Variants in ACOX3 observed in about 807,000 individuals in gnomAD.
ACOX3 encodes the protein acyl-CoA oxidase 3, pristanoyl.
Under a neutral mutation model 81.5 loss-of-function variants are expected in ACOX3, and 73 were observed. The observed-to-expected ratio is 0.90, with a 90% confidence interval of 0.74 to 1.09. ACOX3 has a LOEUF of 1.09. Among genes scored for constraint, ACOX3 ranks in the 50% least tolerant of loss-of-function variants. ACOX3 has a pLI of 0.00. For synonymous variants in ACOX3, 387 were observed against 375.1 expected (o/e 1.03, Z -0.37); for missense variants, 947 against 928.0 (o/e 1.02, Z -0.27).
In ACOX3 at chr4:8,415,878, T is replaced by G. The variant is rs774060750; in HGVS notation, c.266A>C (p.Asp89Ala). ...GAACATGTCTTCGACACTGAGGAAG[T>G]CATACTCGAAGATCCGCTTGCATCG... ...FLRCKRIFEY[D>A]FLSVEDMFKS... Residue 89 changes from aspartate to alanine, a missense_variant, in exon 3 of 18, where the codon GAC becomes GCC. Asp to Ala is a moderately radical substitution (Grantham distance 126). Coordinates refer to ENST00000356406, the MANE Select transcript of ACOX3 (RefSeq NM_003501.3). 1 of 1,614,160 alleles carries G rather than the reference T, an allele frequency of 6.2e-7. No individual in the cohort carries two copies. Among genetic ancestry groups the G allele is most frequent in the Non-Finnish European group, 8.5e-7 (1 of 1,180,028 alleles).
intron 8 of ACOX3, among the ~76,000 whole-genome samples, chr4:8,397,364 A>G (rs1719836619): frequency 6.6e-6 from 1 of 152,232 alleles, no homozygotes. Flanking sequence ...GAGAAGGTAC[A>G]GTCCTAGCAG....
intron 15 of ACOX3, 138 bp from the exon 16 acceptor site, chr4:8,373,766 C>G: frequency 1.4e-6 from 1 of 740,236 alleles, no homozygotes; most frequent in Non-Finnish European, 2.3e-6. Flanking sequence ...TCATTGCTGT[C>G]CCCAGCCCAG....
At chr4:8,373,434 G>T (rs548472593) in intron 16 of ACOX3, 127 bp downstream of exon 16, 11 of 949,208 alleles carry the variant, frequency 1.2e-5, no homozygotes, top group South Asian at 1.5e-5. Flanking sequence ...GACGCTAAGG[G>T]GGTGCGTGTC....
intron 1 of ACOX3, among the ~76,000 whole-genome samples, chr4:8,426,001 A>T (rs894234070): frequency 6.6e-6 from 1 of 152,264 alleles, no homozygotes; most frequent in African/African-American, 2.4e-5. Context: ...CCCACCTCGC[A>T]TGGCCTGCTC....
At chr4:8,377,068 GCTC>G (rs1717058925) in intron 14 of ACOX3, among the ~76,000 whole-genome samples, 4 of 152,026 alleles carry the variant, frequency 2.6e-5, no homozygotes, top group Admixed American at 2.0e-4. Flanking sequence ...CCCGTAGGCT[GCTC>G]CTGTGTCCAC....
Position 8,416,326 on chromosome 4 carries a change from A to C in ACOX3, c.144+52T>G. Reference sequence around the variant, plus strand: ...GCCAGAAATCCCATTCTGCTAACGAACTAAGACCCCACTGGGAAAAAAGAC... The same window carrying C: ...GCCAGAAATCCCATTCTGCTAACGACCTAAGACCCCACTGGGAAAAAAGAC... On this transcript the variant is annotated intron_variant, in intron 2 of 17. Transcript: ENST00000356406. The surrounding 1 kb of genome is among the most constrained non-coding windows in gnomAD (Gnocchi z 4.2). 3 of 1,613,102 alleles carry C rather than the reference A, an allele frequency of 1.9e-6. No homozygotes were observed. Among genetic ancestry groups the C allele is most frequent in the South Asian group, 2.2e-5 (2 of 91,020 alleles).
At chr4:8,403,237 C>T (rs901213174) in intron 7 of ACOX3, among the ~76,000 whole-genome samples, 2 of 152,176 alleles carry the variant, frequency 1.3e-5, no homozygotes, top group African/African-American at 4.8e-5. Context: ...TAAATGATTT[C>T]AACATTGGTA....
chr4:8,379,433 G>C (rs566382171), intron 14 of ACOX3, among the ~76,000 whole-genome samples: 3 of 152,356 alleles, frequency 2.0e-5, no homozygotes, highest in African/African-American at 7.2e-5. Flanking sequence ...GCTGGTGTCT[G>C]TGGGTGTCTG....
chr4:8,391,031 G>GTATA (rs1718929632), intron 11 of ACOX3, among the ~76,000 whole-genome samples: 9 of 148,116 alleles, frequency 6.1e-5, no homozygotes, highest in African/African-American at 2.2e-4. Flanking sequence ...GTATATGTAT[G>GTATA]TGTATATGTA....
chr4:8,414,317 G>GT lies in ACOX3; in HGVS notation c.517dup (p.Thr173AsnfsTer9), dbSNP rs763912507. 1.2e-6 allele frequency: 2 copies of GT among 1,614,176 alleles called. No individual in the cohort carries two copies. Among genetic ancestry groups the GT allele is most frequent in the South Asian group, 2.2e-5 (2 of 91,084 alleles). On this transcript the variant is annotated frameshift_variant, in exon 5 of 18. Coordinates refer to ENST00000356406, the MANE Select transcript of ACOX3 (RefSeq NM_003501.3). LOFTEE classifies it high-confidence loss of function. This position sits in a 1 kb window ranked among gnomAD's most constrained non-coding sequence, Gnocchi z 6.1. Reference sequence around the variant, plus strand: ...CTCAGTGGCAGGATCGTAGTGGGCAGTTGTGCGAATGGCCTTGGTATTACT... The same window carrying GT: ...CTCAGTGGCAGGATCGTAGTGGGCAGTTTGTGCGAATGGCCTTGGTATTACT...
intron 8 of ACOX3, among the ~76,000 whole-genome samples, chr4:8,397,642 C>T (rs1041898037): frequency 2.0e-5 from 3 of 152,220 alleles, no homozygotes; most frequent in South Asian, 2.1e-4. Flanking sequence ...CACGCATCAG[C>T]GGCGTCAGCA....
Position 8,423,149 on chromosome 4 carries a change from G to A in ACOX3, c.-14-6614C>T, listed in dbSNP as rs1723125638. ...GTCCTCCAGATCTGTCACTACCCGAGGGGTCCTAGGATAGGCAGTCACTAG... is the reference window on the plus strand; with the variant it reads ...GTCCTCCAGATCTGTCACTACCCGAAGGGTCCTAGGATAGGCAGTCACTAG... On this transcript the variant is annotated intron_variant, in intron 1 of 17. Transcript: ENST00000356406. The surrounding 1 kb of genome is among the most constrained non-coding windows in gnomAD (Gnocchi z 4.2). Among the ~76,000 whole-genome samples, 1 of 152,114 alleles carries A rather than the reference G, an allele frequency of 6.6e-6. No homozygotes were observed. The highest frequency in any genetic ancestry group is 1.5e-5 in the Non-Finnish European group (1 of 68,014).
rs899079405 is a variant in ACOX3, at chr4:8,430,286, G to A, written c.-15+10362C>T. Among the ~76,000 whole-genome samples, 1 of 152,218 alleles carries A rather than the reference G, an allele frequency of 6.6e-6. No individual in the cohort carries two copies. Among genetic ancestry groups the A allele is most frequent in the Non-Finnish European group, 1.5e-5 (1 of 68,038 alleles). On this transcript the variant is annotated intron_variant, in intron 1 of 17. Coordinates refer to ENST00000356406, the MANE Select transcript of ACOX3 (RefSeq NM_003501.3). The surrounding 1 kb of genome is among the most constrained non-coding windows in gnomAD (Gnocchi z 5.2). Reference sequence around the variant, plus strand: ...CTGGCAGGTACCCTGCTAAGCAGTCGGAAGTGATCCTTAGTCTAGACTAGC... The same window carrying A: ...CTGGCAGGTACCCTGCTAAGCAGTCAGAAGTGATCCTTAGTCTAGACTAGC...
At chr4:8,397,936 A>G (rs1719908890) in intron 8 of ACOX3, among the ~76,000 whole-genome samples, 1 of 152,248 alleles carries the variant, frequency 6.6e-6, no homozygotes, top group Non-Finnish European at 1.5e-5. Flanking sequence ...TGAGGTGGGC[A>G]GATCACCTGA....
Position 8,373,578 on chromosome 4 carries a change from G to T in ACOX3, c.1879C>A (p.Leu627Met), listed in dbSNP as rs373101680. 1.2e-6 allele frequency: 2 copies of T among 1,613,784 alleles called. No individual in the cohort carries two copies. The highest frequency in any genetic ancestry group is 1.7e-5 in the Admixed American group (1 of 59,972). Residue 627 changes from leucine (L) to methionine (M), a missense_variant, in exon 16 of 18, where the codon CTG becomes ATG. By Grantham distance (15) the Leu-to-Met change is conservative. Transcript: ENST00000356406. ...QAGEVLESAV[L>M]ALCSQLKDDA... ...CGGCTCACCTGGGAACACAAAGCCA[G>T]GACGGCGCTCTCCAACACTTCTCCC...
At chr4:8,361,425 C>CCAAA (rs1560158854), downstream of ACOX3, among the ~76,000 whole-genome samples, 9 of 39,030 alleles carry the variant, frequency 2.3e-4, 1 homozygote, top group East Asian at 1.8e-3. Flanking sequence ...GACTCTATCT[C>CCAAA]AAAAAAAAAA....
chr4:8,367,076 T>C lies in ACOX3; in HGVS notation c.1988A>G (p.Tyr663Cys), dbSNP rs1391013318. The change falls in exon 18 of 18, where the codon TAC becomes TGC. Residue 663 changes from tyrosine to cysteine, a missense_variant. Coordinates refer to ENST00000356406, the MANE Select transcript of ACOX3 (RefSeq NM_003501.3). ...CAGGACAGCGCCCCAGAGGTTTTTG[T>C]AGAGCTGCAAACAACACGTACACAG... ...SPIGRADGEL[Y>C]KNLWGAVLQE... The C allele has an allele frequency of 1.2e-6, 2 of 1,613,890 alleles. No homozygotes were observed. Among genetic ancestry groups the C allele is most frequent in the Non-Finnish European group, 1.7e-6 (2 of 1,179,904 alleles).
chr4:8,370,580 C>T lies in ACOX3; in HGVS notation c.1983+328G>A, dbSNP rs1177254173. Among the ~76,000 whole-genome samples the T allele has an allele frequency of 1.7e-4, 22 of 126,708 alleles. No individual in the cohort carries two copies. The highest frequency in any genetic ancestry group is 5.2e-4 in the African/African-American group (17 of 32,496). The allele number at this position is 126,708 out of a possible 152,430, so 83.1% of individuals were successfully genotyped here. A position where few individuals can be genotyped will look rare whatever the true frequency, so the allele number is the denominator to read the frequency against. On this transcript the variant is annotated intron_variant, in intron 17 of 17. Coordinates refer to ENST00000356406, the MANE Select transcript of ACOX3 (RefSeq NM_003501.3). This position sits in a 1 kb window ranked among gnomAD's most constrained non-coding sequence, Gnocchi z 6.3. ...GTCAGATGGGGGTAAGACCTGGGAC[C>T]GGGGAGGCCGGGGGGAGTGGGAGGA...
In ACOX3 at chr4:8,394,568, C is replaced by A; in HGVS notation, c.1179+52G>T. On this transcript the variant is annotated intron_variant, in intron 10 of 17. Transcript: ENST00000356406. The surrounding 1 kb of genome is among the most constrained non-coding windows in gnomAD (Gnocchi z 5.9). ...AAATGAAGGTTGAATCTATGCTGCT[C>A]CAACCGTGTGAGATTTAAACGATGC... is the stretch of plus-strand genomic sequence containing the variant. 1 of 1,601,212 alleles carries A rather than the reference C, an allele frequency of 6.2e-7. No individual in the cohort carries two copies. Among genetic ancestry groups the A allele is most frequent in the South Asian group, 1.1e-5 (1 of 90,258 alleles).
Sources: allele counts gnomAD v4.1 joint callset (sites outside exome capture counted in the v4.1 genomes callset), GRCh38; gene constraint gnomAD v4.1.1; non-coding constraint Gnocchi (gnomAD v3.1); transcripts MANE v1.5; gene names NCBI Gene and HGNC (gene_info 2026-07-23, HGNC 2026-07-21).